C1orf21: variants seen among roughly 807,000 people sequenced by gnomAD.
C1orf21 encodes chromosome 1 open reading frame 21.
In C1orf21, 3 loss-of-function variants were observed where a neutral mutation model predicts 18.7. That is an observed-to-expected ratio of 0.16 (90% CI 0.07 to 0.42). C1orf21 has a LOEUF of 0.42. Ranked by LOEUF, C1orf21 falls within the 10% of genes least tolerant of loss-of-function variation. The probability of loss-of-function intolerance (pLI) is 0.99; values close to 1 mark genes in which losing one functional copy is unlikely to be tolerated. For missense variants in C1orf21, 104 were observed against 143.6 expected, an observed-to-expected ratio of 0.72 and a Z score of 1.41; for synonymous variants, 41 against 46.4, an observed-to-expected ratio of 0.88 and a Z score of 0.47.
At chr1:184,603,978 G>A (rs1277529159) in intron 5 of C1orf21, among the ~76,000 whole-genome samples, 1 of 152,132 alleles carries the variant, frequency 6.6e-6, no homozygotes, top group Non-Finnish European at 1.5e-5. Context: ...TTTTTTTCAA[G>A]AATTGTCTAC....
chr1:184,455,548 A>G (rs1657185694), intron 1 of C1orf21, among the ~76,000 whole-genome samples: 1 of 152,158 alleles, frequency 6.6e-6, no homozygotes, highest in South Asian at 2.1e-4. Context: ...TCCTTTTCTA[A>G]TTCTCCCTTA....
At chr1:184,498,027 G>T (rs545431312) in intron 2 of C1orf21, among the ~76,000 whole-genome samples, 1 of 152,138 alleles carries the variant, frequency 6.6e-6, no homozygotes, top group African/African-American at 2.4e-5. Context: ...CCTACTCTGG[G>T]CTTTCAGTGC....
chr1:184,579,523 T>G (rs12118330), intron 3 of C1orf21, among the ~76,000 whole-genome samples: 1 of 148,738 alleles, frequency 6.7e-6, no homozygotes, highest in Non-Finnish European at 1.5e-5. Flanking sequence ...CTTTTTTTTT[T>G]GTTTAAGATG....
intron 1 of C1orf21, chr1:184,412,180 A>G (rs555577634): frequency 6.6e-6 from 1 of 152,366 alleles, no homozygotes; most frequent in African/African-American, 2.4e-5. Flanking sequence ...TGATGAAGCC[A>G]GGTTTAATTT....
rs1660048427 is a variant in C1orf21 at position 184,628,160 on chromosome 1, T to C, written c.*8604T>C. On this transcript the variant is annotated 3_prime_UTR_variant, in exon 6 of 6. Coordinates refer to ENST00000235307, the MANE Select transcript of C1orf21 (RefSeq NM_030806.4). ...TGGGAGCCCGGAAGGGTGGCCTCCCTAACCACTCTGCCTGCACATGAATTC... is the reference window on the plus strand; with the variant it reads ...TGGGAGCCCGGAAGGGTGGCCTCCCCAACCACTCTGCCTGCACATGAATTC... The C allele has an allele frequency of 1.3e-5, 2 of 152,202 alleles. No homozygotes were observed. The highest frequency in any genetic ancestry group is 1.3e-4 in the Admixed American group (2 of 15,284). The allele number at this position is 152,202 out of a possible 1,614,324, so 9.4% of individuals were successfully genotyped here. A position where few individuals can be genotyped will look rare whatever the true frequency, so the allele number is the denominator to read the frequency against.
chr1:184,557,766 CT>C (rs2101984510), intron 3 of C1orf21, among the ~76,000 whole-genome samples: 1 of 152,284 alleles, frequency 6.6e-6, no homozygotes, highest in South Asian at 2.1e-4. Context: ...CTTAGATTGA[CT>C]TTGATGACCT....
At chr1:184,598,908 G>A (rs912186920) in intron 5 of C1orf21, among the ~76,000 whole-genome samples, 2 of 152,164 alleles carry the variant, frequency 1.3e-5, no homozygotes, top group Non-Finnish European at 1.5e-5. Flanking sequence ...ATGGCATTGA[G>A]ACAGATATTA....
chr1:184,406,408 CAT>C (rs745305557), intron 1 of C1orf21, among the ~76,000 whole-genome samples: 7 of 151,958 alleles, frequency 4.6e-5, no homozygotes, highest in Non-Finnish European at 1.0e-4. Context: ...GGAAAAAAAA[CAT>C]TGATATTAAT....
intron 1 of C1orf21, among the ~76,000 whole-genome samples, chr1:184,394,503 G>A (rs1656019985): frequency 6.6e-6 from 1 of 152,174 alleles, no homozygotes; most frequent in Non-Finnish European, 1.5e-5. Flanking sequence ...TGACATGCAT[G>A]CATATCATAG....
At chr1:184,603,312 T>G (rs1659608797) in intron 5 of C1orf21, among the ~76,000 whole-genome samples, 1 of 152,172 alleles carries the variant, frequency 6.6e-6, no homozygotes, top group African/African-American at 2.4e-5. Context: ...CTTTCTTATA[T>G]CCCCTCCTTC....
At chr1:184,527,574 G>T (rs1007864969) in intron 3 of C1orf21, among the ~76,000 whole-genome samples, 1 of 152,170 alleles carries the variant, frequency 6.6e-6, no homozygotes, top group Non-Finnish European at 1.5e-5. Context: ...ACCCAGAACT[G>T]TCCCAGATTT....
intron 5 of C1orf21, among the ~76,000 whole-genome samples, chr1:184,606,175 A>G (rs961115585): frequency 2.6e-5 from 4 of 152,226 alleles, no homozygotes; most frequent in African/African-American, 9.6e-5. Flanking sequence ...TCAGTGAGTC[A>G]GTGGCATGGA....
chr1:184,603,471 G>A (rs1419249341), intron 5 of C1orf21, among the ~76,000 whole-genome samples: 2 of 152,236 alleles, frequency 1.3e-5, no homozygotes, highest in Admixed American at 6.5e-5. Flanking sequence ...AGAAAGAGCA[G>A]TATGTGGACT....
At chr1:184,586,929 G>A (rs1659362558) in intron 3 of C1orf21, among the ~76,000 whole-genome samples, 1 of 152,084 alleles carries the variant, frequency 6.6e-6, no homozygotes, top group Non-Finnish European at 1.5e-5. Flanking sequence ...TTACATTTAA[G>A]CCTTTAATCC....
chr1:184,564,177 A>G (rs778466401), intron 3 of C1orf21, among the ~76,000 whole-genome samples: 8 of 152,198 alleles, frequency 5.3e-5, no homozygotes, highest in Non-Finnish European at 1.2e-4. Flanking sequence ...TTCTAACTAG[A>G]AGTAATAATA....
intron 1 of C1orf21, among the ~76,000 whole-genome samples, chr1:184,466,409 C>G (rs1174447208): frequency 6.6e-6 from 1 of 152,180 alleles, no homozygotes; most frequent in African/African-American, 2.4e-5. Context: ...CTTTGCATTG[C>G]CCTCCTGGGT....
intron 1 of C1orf21, among the ~76,000 whole-genome samples, chr1:184,467,259 G>A (rs768921401): frequency 7.2e-5 from 11 of 152,114 alleles, no homozygotes; most frequent in Non-Finnish European, 1.0e-4. Context: ...ACATTGTGCC[G>A]GAGGGAATAC....
chr1:184,442,145 C>T (rs1184533665), intron 1 of C1orf21, among the ~76,000 whole-genome samples: 1 of 152,154 alleles, frequency 6.6e-6, no homozygotes, highest in South Asian at 2.1e-4. Context: ...AATAATATCT[C>T]ATATGGTAAT....
intron 3 of C1orf21, among the ~76,000 whole-genome samples, chr1:184,524,933 T>C (rs1658357013): frequency 6.6e-6 from 1 of 152,092 alleles, no homozygotes; most frequent in South Asian, 2.1e-4. Context: ...TTTTCATAGC[T>C]TACTTCTTAA....
Sources: allele counts gnomAD v4.1 joint callset (sites outside exome capture counted in the v4.1 genomes callset), GRCh38; gene constraint gnomAD v4.1.1; transcripts MANE v1.5; gene names NCBI Gene and HGNC (gene_info 2026-07-23, HGNC 2026-07-21).